Variants in SACM1L observed in about 807,000 individuals in gnomAD.
SACM1L encodes the protein phosphatidylinositol-3-phosphatase SAC1.
A neutral mutation model predicts 89.5 loss-of-function variants in SACM1L; 32 were observed. That is an observed-to-expected ratio of 0.36 (90% confidence interval 0.27 to 0.48). The LOEUF (loss-of-function observed/expected upper bound fraction) is 0.48. Among genes scored for constraint, SACM1L ranks in the 20% least tolerant of loss-of-function variants. The probability of loss-of-function intolerance (pLI) is 0.99; values close to 1 mark genes in which losing one functional copy is unlikely to be tolerated. For synonymous variants in SACM1L, 213 were observed against 232.8 expected (o/e 0.92, Z 0.77); for missense variants, 543 against 708.5 (o/e 0.77, Z 2.65).
In SACM1L at chr3:45,730,866, C is replaced by T. The variant is rs1699036744; in HGVS notation, c.922-435C>T. On this transcript the variant is annotated intron_variant, in intron 11 of 19. Coordinates refer to ENST00000389061, the MANE Select transcript of SACM1L (RefSeq NM_014016.5). ...AAACAGTGGTCACCATTTTTACTGCCCGTGTTCAGAGATACGTGGGACAGA... is the reference window on the plus strand; with the variant it reads ...AAACAGTGGTCACCATTTTTACTGCTCGTGTTCAGAGATACGTGGGACAGA... Among the ~76,000 whole-genome samples the T allele has an allele frequency of 3.3e-5, 5 of 152,130 alleles. No homozygotes were observed. The South Asian group carries it at 1.0e-3, about 32-fold the overall frequency.
At chr3:45,690,740 T>C (rs1270625817) in intron 1 of SACM1L, among the ~76,000 whole-genome samples, 1 of 151,882 alleles carries the variant, frequency 6.6e-6, no homozygotes, top group Non-Finnish European at 1.5e-5. Context: ...TCTCCACCTT[T>C]CCCTATTTTC....
chr3:45,732,161 A>G lies in SACM1L; in HGVS notation c.1100+10A>G, dbSNP rs1161942916. 6.5e-7 allele frequency: 1 copy of G among 1,527,966 alleles called. No homozygotes were observed. Among genetic ancestry groups the G allele is most frequent in the African/African-American group, 1.4e-5 (1 of 72,502 alleles). 94.7% of individuals were successfully genotyped at this position (1,527,966 alleles called of 1,614,324 possible). A position where few individuals can be genotyped will look rare whatever the true frequency, so the allele number is the denominator to read the frequency against. On this transcript the variant is annotated intron_variant, in intron 13 of 19. Coordinates refer to ENST00000389061, the MANE Select transcript of SACM1L (RefSeq NM_014016.5). ...TGCAAGATGAATTAAGGTAAGCTAT[A>G]TTATTTCCTTAAGGAGGTAGAGGGA...
intron 1 of SACM1L, chr3:45,690,326 G>C (rs1316717166): frequency 6.6e-6 from 1 of 152,224 alleles, no homozygotes; most frequent in South Asian, 2.1e-4. Context: ...TACTCACTTC[G>C]TGTTTAATGC....
chr3:45,735,083 TA>T, intron 13 of SACM1L, 151 bp from the exon 14 acceptor site: 1 of 686,104 alleles, frequency 1.5e-6, no homozygotes, highest in Non-Finnish European at 2.2e-6. Flanking sequence ...TGGTCTAGGA[TA>T]ATCACATATG....
intron 8 of SACM1L, among the ~76,000 whole-genome samples, chr3:45,721,081 CA>C (rs781779676): frequency 3.9e-5 from 6 of 152,230 alleles, no homozygotes; most frequent in Middle Eastern, 3.2e-3. Context: ...AGAATCCAAA[CA>C]CTTTGCTTTT....
At position 45,735,302 on chromosome 3, in the gene SACM1L, A is replaced by T. The variant is rs756834430; in HGVS notation, c.1168A>T (p.Met390Leu). The T allele has an allele frequency of 6.2e-7, 1 of 1,613,210 alleles. No individual in the cohort carries two copies. The highest frequency in any genetic ancestry group is 2.2e-5 in the East Asian group (1 of 44,854). ...GGAAGGCGTGTTCCGAAGCAATTGCATGGATTGTCTAGATAGAACCAATGT... is the reference window on the plus strand; with the variant it reads ...GGAAGGCGTGTTCCGAAGCAATTGCTTGGATTGTCTAGATAGAACCAATGT... Reference protein sequence around the residue: ...NQEGVFRSNCMDCLDRTNVIQ... With the variant: ...NQEGVFRSNCLDCLDRTNVIQ... Residue 390 changes from methionine to leucine, a missense_variant, in exon 14 of 20, where the codon ATG becomes TTG. Met to Leu is a conservative substitution (Grantham distance 15). Around this residue, in one of 2 missense-constraint regions of SACM1L, gnomAD observed 370 missense variants for 527.6 expected, o/e 0.70. Coordinates refer to ENST00000389061, the MANE Select transcript of SACM1L (RefSeq NM_014016.5).
chr3:45,731,808 T>C (rs1449256755), intron 12 of SACM1L, among the ~76,000 whole-genome samples: 1 of 152,228 alleles, frequency 6.6e-6, no homozygotes, highest in Admixed American at 6.5e-5. Flanking sequence ...ATGCATATAT[T>C]TTCATGTTTA....
chr3:45,743,218 T>G (rs1699354172), intron 19 of SACM1L, among the ~76,000 whole-genome samples: 1 of 152,230 alleles, frequency 6.6e-6, no homozygotes, highest in Non-Finnish European at 1.5e-5. Context: ...TAATATAATA[T>G]GAAATCATTT....
intron 19 of SACM1L, among the ~76,000 whole-genome samples, chr3:45,740,364 T>C (rs1699288606): frequency 6.6e-6 from 1 of 152,114 alleles, no homozygotes; most frequent in Non-Finnish European, 1.5e-5. Flanking sequence ...GTGAGGGAGA[T>C]TCAACAGGAC....
intron 5 of SACM1L, among the ~76,000 whole-genome samples, chr3:45,711,529 G>A (rs1473187271): frequency 3.3e-5 from 5 of 152,018 alleles, no homozygotes; most frequent in African/African-American, 4.8e-5. Context: ...TCGGGAGGCT[G>A]AGGTGGGAGG....
chr3:45,711,794 A>T (rs1447852051), intron 5 of SACM1L, among the ~76,000 whole-genome samples: 1 of 152,204 alleles, frequency 6.6e-6, no homozygotes, highest in Non-Finnish European at 1.5e-5. Context: ...TGTGTAAATT[A>T]CATCCATAGG....
intron 1 of SACM1L, among the ~76,000 whole-genome samples, chr3:45,698,853 A>T (rs545321211): frequency 2.0e-5 from 3 of 151,136 alleles, no homozygotes; most frequent in East Asian, 1.9e-4. Flanking sequence ...TGCAACCTCC[A>T]CCTCCTGGGT....
chr3:45,726,291 A>G (rs1021772548), intron 11 of SACM1L, among the ~76,000 whole-genome samples: 1 of 151,814 alleles, frequency 6.6e-6, no homozygotes, highest in African/African-American at 2.4e-5. Flanking sequence ...AAATTTTGGT[A>G]CAATTCACTG....
intron 1 of SACM1L, among the ~76,000 whole-genome samples, chr3:45,699,233 G>T (rs1049975679): frequency 6.6e-6 from 1 of 151,648 alleles, no homozygotes; most frequent in Admixed American, 6.6e-5. Context: ...GTATACATAT[G>T]TAACTAACCT....
intron 1 of SACM1L, among the ~76,000 whole-genome samples, chr3:45,693,826 T>G (rs1343672657): frequency 3.3e-5 from 5 of 152,248 alleles, no homozygotes; most frequent in African/African-American, 1.2e-4. Context: ...AATTTAAAAT[T>G]CATACTTTTT....
intron 7 of SACM1L, among the ~76,000 whole-genome samples, chr3:45,718,255 A>G (rs1698709780): frequency 6.6e-6 from 1 of 151,890 alleles, no homozygotes; most frequent in Non-Finnish European, 1.5e-5. Flanking sequence ...GCAAATAAAG[A>G]AAACTGAAAG....
chr3:45,705,735 C>G (rs1356181357), intron 3 of SACM1L, among the ~76,000 whole-genome samples: 1 of 152,004 alleles, frequency 6.6e-6, no homozygotes, highest in Non-Finnish European at 1.5e-5. Context: ...AACTCCTGAC[C>G]TCAGGTGATC....
Position 45,695,950 on chromosome 3 carries a change from A to G in SACM1L, c.32+6453A>G, listed in dbSNP as rs142782506. On this transcript the variant is annotated intron_variant, in intron 1 of 19. Transcript: ENST00000389061. ...TTATGACTGGTTTATTTCACTTAGC[A>G]TAATGTCCTTAAGGTTCATCCATTG... 5.6e-3 allele frequency among the ~76,000 whole-genome samples: 844 copies of G among 150,532 alleles called. 3 individuals carry two copies. Among genetic ancestry groups the G allele is most frequent in the African/African-American group, 0.012 (510 of 41,004 alleles).
intron 4 of SACM1L, among the ~76,000 whole-genome samples, chr3:45,708,230 T>TC (rs1483032357): frequency 1.3e-5 from 2 of 151,970 alleles, no homozygotes; most frequent in Non-Finnish European, 2.9e-5. Context: ...CTGCCTGTAT[T>TC]CATATTTAAA....
Sources: allele counts gnomAD v4.1 joint callset (sites outside exome capture counted in the v4.1 genomes callset), GRCh38; gene constraint gnomAD v4.1.1; regional missense constraint gnomAD v4.1.1; transcripts MANE v1.5; gene names NCBI Gene and HGNC (gene_info 2026-07-23, HGNC 2026-07-21).